FTO: variants seen among roughly 807,000 people sequenced by gnomAD.
The protein encoded by FTO is FTO alpha-ketoglutarate dependent dioxygenase.
FTO carries 47 observed loss-of-function variants against 63.9 expected under a neutral mutation model. The observed-to-expected ratio is 0.74, with a 90% confidence interval of 0.58 to 0.94. FTO has a LOEUF of 0.94. FTO is among the 40% of genes least tolerant of loss of function. FTO has a pLI of 0.00. For synonymous variants in FTO, 207 were observed against 224.4 expected (o/e 0.92, Z 0.69); for missense variants, 562 against 618.1 (o/e 0.91, Z 0.96).
intron 1 of FTO, 108 bp downstream of exon 1, chr16:53,704,337 G>GGATGACA (rs1971837394): frequency 1.9e-6 from 2 of 1,059,326 alleles, no homozygotes; most frequent in Non-Finnish European, 2.9e-6. Context: ...TTAAACTAAG[G>GGATGACA]GATGACAGGG....
intron 4 of FTO, among the ~76,000 whole-genome samples, chr16:53,850,082 T>C (rs1439626446): frequency 6.6e-6 from 1 of 152,236 alleles, no homozygotes; most frequent in African/African-American, 2.4e-5. Flanking sequence ...GTAGGTGCTA[T>C]GTTCTGCTTT....
intron 2 of FTO, among the ~76,000 whole-genome samples, chr16:53,824,661 A>C (rs1353701165): frequency 6.6e-6 from 1 of 152,068 alleles, no homozygotes; most frequent in Non-Finnish European, 1.5e-5. Context: ...CTATCATGTG[A>C]ATGGTAATTA....
At chr16:54,001,738 G>GT in intron 8 of FTO, among the ~76,000 whole-genome samples, 1 of 152,108 alleles carries the variant, frequency 6.6e-6, no homozygotes. Flanking sequence ...TGCTCTTCTA[G>GT]TTGGTCTCTG....
chr16:54,075,217 T>G (rs1398451645), intron 8 of FTO, among the ~76,000 whole-genome samples: 2 of 152,138 alleles, frequency 1.3e-5, no homozygotes, highest in Non-Finnish European at 2.9e-5. Context: ...TTGTTAGAGA[T>G]CATTAGATTG....
intron 2 of FTO, chr16:53,814,542 G>C (rs1305464229): frequency 6.6e-6 from 1 of 152,282 alleles, no homozygotes; most frequent in Non-Finnish European, 1.5e-5. Flanking sequence ...TTATGTGCAG[G>C]ATATGTTGGG....
intron 2 of FTO, among the ~76,000 whole-genome samples, chr16:53,821,730 T>C (rs1335256802): frequency 6.6e-6 from 1 of 152,214 alleles, no homozygotes; most frequent in Non-Finnish European, 1.5e-5. Context: ...TTCATTTTTC[T>C]TCTGCATACT....
intron 8 of FTO, among the ~76,000 whole-genome samples, chr16:53,950,149 C>T (rs1599065394): frequency 3.8e-5 from 1 of 26,026 alleles, no homozygotes; most frequent in Non-Finnish European, 8.4e-5. Context: ...AAGATATTCA[C>T]ATTTGTAAAA....
chr16:54,068,236 ATT>A (rs1174843421), intron 8 of FTO, among the ~76,000 whole-genome samples: 1 of 150,900 alleles, frequency 6.6e-6, no homozygotes, highest in African/African-American at 2.4e-5. Flanking sequence ...TTCCTTTCTC[ATT>A]TTCTTATTTT....
At chr16:53,803,791 A>T (rs559506571) in intron 1 of FTO, among the ~76,000 whole-genome samples, 1 of 152,246 alleles carries the variant, frequency 6.6e-6, no homozygotes, top group South Asian at 2.1e-4. Flanking sequence ...CATATTAAAA[A>T]GTAGGTGATC....
At chr16:54,020,748 G>A (rs1212323132) in intron 8 of FTO, among the ~76,000 whole-genome samples, 1 of 152,158 alleles carries the variant, frequency 6.6e-6, no homozygotes, top group African/African-American at 2.4e-5. Context: ...GAGGCAGGCG[G>A]ATTACTTGAG....
At chr16:53,837,337 C>A (rs2079327461) in intron 3 of FTO, among the ~76,000 whole-genome samples, 1 of 152,196 alleles carries the variant, frequency 6.6e-6, no homozygotes, top group African/African-American at 2.4e-5. Context: ...TGTTGAAGGG[C>A]TTTAGATTTT....
chr16:53,752,534 T>C (rs11861870), intron 1 of FTO, among the ~76,000 whole-genome samples: 24,063 of 152,128 alleles, frequency 0.16, 2,223 homozygotes, highest in East Asian at 0.41. Context: ...AAGGGTAGTG[T>C]TCAAATATTA....
chr16:53,935,599 G>A (rs979240989), intron 8 of FTO: 1 of 152,052 alleles, frequency 6.6e-6, no homozygotes, highest in African/African-American at 2.4e-5. Context: ...AATAGACACA[G>A]GATCTTGTCA....
intron 7 of FTO, among the ~76,000 whole-genome samples, chr16:53,910,579 T>C (rs968583130): frequency 6.6e-6 from 1 of 152,134 alleles, no homozygotes; most frequent in African/African-American, 2.4e-5. Flanking sequence ...CTGTGTCACT[T>C]AGGCTGGAGT....
intron 1 of FTO, among the ~76,000 whole-genome samples, chr16:53,802,673 T>A (rs999508241): frequency 6.6e-6 from 1 of 152,230 alleles, no homozygotes; most frequent in African/African-American, 2.4e-5. Flanking sequence ...TAACTCCAAT[T>A]ACATGTATTA....
chr16:53,948,255 G>A (rs1298617812), intron 8 of FTO, among the ~76,000 whole-genome samples: 1 of 152,212 alleles, frequency 6.6e-6, no homozygotes, highest in Admixed American at 6.5e-5. Flanking sequence ...GTCCAAAGAG[G>A]CACCGGGCTT....
intron 8 of FTO, among the ~76,000 whole-genome samples, chr16:54,055,160 T>G (rs8062891): frequency 6.6e-6 from 1 of 152,092 alleles, no homozygotes; most frequent in South Asian, 2.1e-4. Context: ...CAGCCCTGCT[T>G]GCAATACTGG....
At chr16:53,734,459 A>G (rs2076343540) in intron 1 of FTO, among the ~76,000 whole-genome samples, 1 of 152,262 alleles carries the variant, frequency 6.6e-6, no homozygotes, top group Non-Finnish European at 1.5e-5. Flanking sequence ...TATAGCGTTC[A>G]CCTGATTGCA....
intron 8 of FTO, among the ~76,000 whole-genome samples, chr16:53,965,007 T>C (rs2083164514): frequency 6.6e-6 from 1 of 152,194 alleles, no homozygotes; most frequent in African/African-American, 2.4e-5. Context: ...GCAAAAAGTT[T>C]ATGAGTCATT....
Sources: gnomAD v4.1 joint callset for allele counts (sites outside exome capture counted in the v4.1 genomes callset) on GRCh38, gnomAD v4.1.1 for gene constraint, MANE v1.5 for transcripts, NCBI Gene and HGNC (gene_info 2026-07-23, HGNC 2026-07-21) for gene names.